Variants in FAM227B observed in about 807,000 individuals in gnomAD.
The protein encoded by FAM227B is protein FAM227B.
A neutral mutation model predicts 73.8 loss-of-function variants in FAM227B; 88 were observed. The ratio of observed to expected loss-of-function variants is 1.19; its 90% CI spans 1.00 to 1.42. The LOEUF (loss-of-function observed/expected upper bound fraction) is 1.42, where lower values mean the gene tolerates loss of function less well. Among genes scored for constraint, FAM227B ranks in the 40% most tolerant of loss-of-function variants. FAM227B has a pLI of 0.00. For synonymous variants in FAM227B, 210 were observed against 190.5 expected (o/e 1.10, Z -0.84); for missense variants, 632 against 590.9 (o/e 1.07, Z -0.72).
intron 10 of FAM227B, among the ~76,000 whole-genome samples, chr15:49,531,944 T>C (rs1306843978): frequency 1.3e-5 from 2 of 151,600 alleles, no homozygotes; most frequent in Non-Finnish European, 2.9e-5. Flanking sequence ...GGTAGTTACT[T>C]TGTCTATTAA....
At chr15:49,506,132 G>A (rs2058567556) in intron 11 of FAM227B, among the ~76,000 whole-genome samples, 1 of 151,702 alleles carries the variant, frequency 6.6e-6, no homozygotes. Context: ...AACATTAAAG[G>A]GAGAAATAGA....
chr15:49,554,778 T>C (rs1338481732), intron 9 of FAM227B, among the ~76,000 whole-genome samples: 1 of 152,208 alleles, frequency 6.6e-6, no homozygotes, highest in Non-Finnish European at 1.5e-5. Context: ...ATTTTTGTTT[T>C]TTTATGAAGG....
At chr15:49,506,477 T>G (rs2058593438) in intron 11 of FAM227B, among the ~76,000 whole-genome samples, 1 of 152,066 alleles carries the variant, frequency 6.6e-6, no homozygotes, top group South Asian at 2.1e-4. Flanking sequence ...ATTGAGATTT[T>G]TTTTAACTGC....
Position 49,466,142 on chromosome 15 carries a change from C to T in FAM227B, c.1012+42069G>A, listed in dbSNP as rs143815530. Among the ~76,000 whole-genome samples the T allele has an allele frequency of 2.0e-3, 298 of 152,242 alleles. 2 individuals are homozygous for T. The highest frequency in any genetic ancestry group is 6.9e-3 in the African/African-American group (285 of 41,566). On this transcript the variant is annotated intron_variant, in intron 11 of 15. Coordinates refer to ENST00000299338, the MANE Select transcript of FAM227B (RefSeq NM_152647.3). The stretch of plus-strand genomic sequence containing the variant: ...AATCACTATGGAGAAACTGGAATTT[C>T]AATTTGGGTACTCAGGTAGGTGGAA...
At chr15:49,585,811 G>A (rs557165174) in intron 5 of FAM227B, among the ~76,000 whole-genome samples, 1 of 152,114 alleles carries the variant, frequency 6.6e-6, no homozygotes, top group Non-Finnish European at 1.5e-5. Context: ...CCTGCACATT[G>A]TGCACATGTA....
At chr15:49,537,750 T>G (rs558218560) in intron 10 of FAM227B, among the ~76,000 whole-genome samples, 14 of 152,098 alleles carry the variant, frequency 9.2e-5, no homozygotes, top group African/African-American at 3.4e-4. Context: ...AAAAAGGAGA[T>G]CCTGCCATTT....
intron 13 of FAM227B, among the ~76,000 whole-genome samples, chr15:49,337,188 TTTTTC>T (rs1411264469): frequency 2.0e-5 from 3 of 152,208 alleles, no homozygotes; most frequent in Non-Finnish European, 2.9e-5. Flanking sequence ...GAATAATTTA[TTTTTC>T]TTTTGAGTAT....
intron 13 of FAM227B, chr15:49,353,457 C>T (rs2042547810): frequency 6.6e-6 from 1 of 152,104 alleles, no homozygotes; most frequent in South Asian, 2.1e-4. Flanking sequence ...TACGTTGCCA[C>T]AGGATTTTTA....
chr15:49,585,705 G>A (rs552851617), intron 5 of FAM227B, among the ~76,000 whole-genome samples: 1 of 152,234 alleles, frequency 6.6e-6, no homozygotes, highest in African/African-American at 2.4e-5. Context: ...GGTGGGTGGA[G>A]GGGGGAGGGA....
chr15:49,353,330 C>T (rs1483256942), intron 13 of FAM227B, among the ~76,000 whole-genome samples: 1 of 152,166 alleles, frequency 6.6e-6, no homozygotes, highest in Non-Finnish European at 1.5e-5. Flanking sequence ...TGATCCTCAT[C>T]TTCCTCTTCC....
intron 6 of FAM227B, 65 bp from the exon 7 acceptor site, chr15:49,576,910 T>C (rs931672867): frequency 1.5e-5 from 13 of 864,350 alleles, no homozygotes; most frequent in Non-Finnish European, 2.4e-5. Flanking sequence ...TAGACTCATA[T>C]AACTACAGAA....
chr15:49,596,281 G>A (rs954048950), intron 3 of FAM227B, among the ~76,000 whole-genome samples: 4 of 151,946 alleles, frequency 2.6e-5, no homozygotes, highest in Admixed American at 2.0e-4. Flanking sequence ...AACATTATAA[G>A]CCAGAAGAGA....
At chr15:49,421,477 T>G (rs1660935907) in intron 11 of FAM227B, among the ~76,000 whole-genome samples, 1 of 152,220 alleles carries the variant, frequency 6.6e-6, no homozygotes, top group Non-Finnish European at 1.5e-5. Context: ...AATTTTATTC[T>G]TTTGTTTCCC....
At chr15:49,402,076 G>A (rs1265899902) in intron 11 of FAM227B, among the ~76,000 whole-genome samples, 1 of 152,050 alleles carries the variant, frequency 6.6e-6, no homozygotes, top group Non-Finnish European at 1.5e-5. Flanking sequence ...TTAAATCATA[G>A]TCTCAGTCCC....
chr15:49,550,324 CGGGCGGCGGGCT>C (rs2072743585), intron 9 of FAM227B, among the ~76,000 whole-genome samples: 1 of 142,254 alleles, frequency 7.0e-6, no homozygotes, highest in Non-Finnish European at 1.5e-5. Flanking sequence ...GGCGGCTGGC[CGGGCGGCGGGCT>C]GACCCCCCCA....
rs374448636 is a variant in FAM227B, at chr15:49,371,811, A to C, written c.1013-412T>G. On this transcript the variant is annotated intron_variant, in intron 11 of 15. Coordinates refer to ENST00000299338, the MANE Select transcript of FAM227B (RefSeq NM_152647.3). ...AATGAAATAAAATTCACTTATAAAT[A>C]AATGAAATAAAATTCACTTATAAAT... 9.3e-3 allele frequency among the ~76,000 whole-genome samples: 1,321 copies of C among 141,850 alleles called. 2 individuals are homozygous for C. The highest frequency in any genetic ancestry group is 0.011 in the Non-Finnish European group (680 of 63,374). The allele number at this position is 141,850 out of a possible 152,430, so 93.1% of individuals were successfully genotyped here. A position where few individuals can be genotyped will look rare whatever the true frequency, so the allele number is the denominator to read the frequency against.
At chr15:49,343,142 CCTCT>C (rs1159858292) in intron 13 of FAM227B, among the ~76,000 whole-genome samples, 1 of 152,034 alleles carries the variant, frequency 6.6e-6, no homozygotes, top group Non-Finnish European at 1.5e-5. Flanking sequence ...TACTTTTTCT[CCTCT>C]CTCAGGAATG....
At chr15:49,579,819 A>G (rs1385919060) in intron 5 of FAM227B, among the ~76,000 whole-genome samples, 1 of 152,224 alleles carries the variant, frequency 6.6e-6, no homozygotes, top group Non-Finnish European at 1.5e-5. Context: ...GACACAAAAA[A>G]ATGATAGCTA....
At chr15:49,519,346 A>T (rs887161265) in intron 10 of FAM227B, among the ~76,000 whole-genome samples, 6 of 152,160 alleles carry the variant, frequency 3.9e-5, no homozygotes, top group African/African-American at 1.4e-4. Flanking sequence ...TCACAGCTCC[A>T]CTAGGCAGTA....
Sources: allele counts gnomAD v4.1 joint callset (sites outside exome capture counted in the v4.1 genomes callset), GRCh38; gene constraint gnomAD v4.1.1; transcripts MANE v1.5; gene names NCBI Gene and HGNC (gene_info 2026-07-23, HGNC 2026-07-21).